Variants in MYOM1 observed in about 807,000 individuals in gnomAD.
MYOM1 encodes the protein myomesin 1.
A neutral mutation model predicts 205.3 loss-of-function variants in MYOM1; 164 were observed. The ratio of observed to expected loss-of-function variants is 0.80; its 90% CI spans 0.70 to 0.91. The LOEUF (loss-of-function observed/expected upper bound fraction) is 0.91. Ranked by LOEUF, MYOM1 falls within the 40% of genes least tolerant of loss-of-function variation. The pLI, the probability that MYOM1 is intolerant of heterozygous loss-of-function variation, is 0.00. For synonymous variants in MYOM1, 772 were observed against 789.4 expected, an observed-to-expected ratio of 0.98 and a Z score of 0.37; for missense variants, 2,011 against 2,127.3, an observed-to-expected ratio of 0.95 and a Z score of 1.08.
chr18:3,215,447 AG>A (rs1355150050), intron 1 of MYOM1, among the ~76,000 whole-genome samples, 196 bp from the exon 2 acceptor site: 2 of 152,032 alleles, frequency 1.3e-5, no homozygotes, highest in Non-Finnish European at 2.9e-5. Flanking sequence ...CTCTACAAAA[AG>A]AAAAAATTAG....
At chr18:3,070,771 T>C (rs1430760636) in intron 37 of MYOM1, among the ~76,000 whole-genome samples, 107 of 147,144 alleles carry the variant, frequency 7.3e-4, no homozygotes, top group African/African-American at 2.5e-3. Flanking sequence ...TGTGTGTGTG[T>C]GTGCACGTGT....
chr18:3,132,016 TTAG>T (rs1224284363), intron 16 of MYOM1, among the ~76,000 whole-genome samples: 1 of 142,518 alleles, frequency 7.0e-6, no homozygotes, highest in Non-Finnish European at 1.5e-5. Context: ...ATTAAAATTA[TTAG>T]TATTAATATT....
At chr18:3,073,414 T>C (rs1243567991) in intron 36 of MYOM1, among the ~76,000 whole-genome samples, 1 of 152,254 alleles carries the variant, frequency 6.6e-6, no homozygotes, top group Non-Finnish European at 1.5e-5. Flanking sequence ...AATGTGTGAC[T>C]CTTGACTTCC....
Position 3,154,994 on chromosome 18 carries a change from C to T in MYOM1, c.1596G>A (p.Gln532=), listed in dbSNP as rs766542756. Residue 532 remains glutamine, a synonymous_variant, in exon 11 of 38, where the codon CAG becomes CAA. Transcript: ENST00000356443. ...NKDYIIISWK[Q]PAVDGGSPIL... is the part of the protein sequence containing the mutation. ...TAGGACTCCCTCCATCGACAGCTGG[C>T]TGTTTCCAGGAGATGATGATATAAT... 2 of 1,613,146 alleles carry T rather than the reference C, an allele frequency of 1.2e-6. No individual in the cohort carries two copies. Among genetic ancestry groups the T allele is most frequent in the Non-Finnish European group, 1.7e-6 (2 of 1,179,512 alleles).
intron 22 of MYOM1, among the ~76,000 whole-genome samples, chr18:3,106,410 C>T (rs533644673): frequency 1.3e-5 from 2 of 152,348 alleles, no homozygotes; most frequent in African/African-American, 4.8e-5. Flanking sequence ...CAACTTCAAC[C>T]TATGAGTCGT....
chr18:3,192,893 C>G (rs1598758109), intron 3 of MYOM1, among the ~76,000 whole-genome samples: 1 of 151,986 alleles, frequency 6.6e-6, no homozygotes, highest in African/African-American at 2.4e-5. Flanking sequence ...GATTTTTTCC[C>G]CCAATGAATA....
intron 8 of MYOM1, among the ~76,000 whole-genome samples, chr18:3,172,445 T>A (rs2080573312): frequency 6.6e-6 from 1 of 151,884 alleles, no homozygotes; most frequent in African/African-American, 2.4e-5. Context: ...TTCAGAGGAT[T>A]GTGACGTGAT....
intron 23 of MYOM1, among the ~76,000 whole-genome samples, chr18:3,100,928 CCCCAGCA>C (rs2079366941): frequency 1.3e-5 from 2 of 152,164 alleles, no homozygotes; most frequent in Non-Finnish European, 2.9e-5. Context: ...ACTGTGTCAC[CCCCAGCA>C]CCCTGTACCT....
intron 16 of MYOM1, among the ~76,000 whole-genome samples, chr18:3,133,198 G>GA (rs2079902720): frequency 6.6e-6 from 1 of 152,060 alleles, no homozygotes; most frequent in Non-Finnish European, 1.5e-5. Flanking sequence ...CAGGCTAAAT[G>GA]AATCTCTTGC....
chr18:3,112,545 C>T, intron 21 of MYOM1, 133 bp from the exon 22 acceptor site: 1 of 568,014 alleles, frequency 1.8e-6, no homozygotes, highest in Non-Finnish European at 2.9e-6. Flanking sequence ...GACTTGTGGT[C>T]TAGATTTGAT....
At chr18:3,181,954 G>C (rs946271949) in intron 5 of MYOM1, among the ~76,000 whole-genome samples, 1 of 151,946 alleles carries the variant, frequency 6.6e-6, no homozygotes, top group Non-Finnish European at 1.5e-5. Flanking sequence ...GGCTGGTCTC[G>C]AACTCTGGAC....
intron 33 of MYOM1, 137 bp downstream of exon 33, chr18:3,083,652 G>T: frequency 1.8e-6 from 1 of 548,992 alleles, no homozygotes; most frequent in Non-Finnish European, 3.2e-6. Flanking sequence ...CACCATGTTG[G>T]CCAGGCTGGT....
At chr18:3,168,503 G>C (rs1394882507) in intron 9 of MYOM1, among the ~76,000 whole-genome samples, 2 of 152,054 alleles carry the variant, frequency 1.3e-5, no homozygotes, top group African/African-American at 4.8e-5. Flanking sequence ...TGGCCAGTCT[G>C]GTCTCAAACT....
intron 22 of MYOM1, among the ~76,000 whole-genome samples, chr18:3,104,884 T>C (rs931937480): frequency 5.3e-5 from 8 of 150,238 alleles, no homozygotes; most frequent in African/African-American, 2.0e-4. Context: ...GTAGCTGGGA[T>C]CACAGGTGCA....
At chr18:3,131,263 G>A in intron 17 of MYOM1, 112 bp downstream of exon 17, 1 of 1,196,666 alleles carries the variant, frequency 8.4e-7, no homozygotes. Context: ...ATCTAAGGAT[G>A]CAATCATCCA....
intron 13 of MYOM1, among the ~76,000 whole-genome samples, chr18:3,145,242 G>A (rs1174747915): frequency 1.3e-5 from 2 of 151,742 alleles, no homozygotes; most frequent in Non-Finnish European, 2.9e-5. Flanking sequence ...CCTGGGAGAC[G>A]GAGGTTGCAG....
intron 19 of MYOM1, 127 bp from the exon 20 acceptor site, chr18:3,120,122 A>T: frequency 1.6e-6 from 2 of 1,263,746 alleles, no homozygotes; most frequent in Admixed American, 2.8e-5. Flanking sequence ...AATGAGTCAC[A>T]CCCCTTTTGT....
At chr18:3,133,888 G>A (rs559412119) in intron 16 of MYOM1, among the ~76,000 whole-genome samples, 6 of 152,150 alleles carry the variant, frequency 3.9e-5, no homozygotes, top group South Asian at 4.2e-4. Context: ...TTTGAGACAG[G>A]GTCTTGCTCT....
At position 3,108,576 on chromosome 18, in the gene MYOM1, C is replaced by G. The variant is rs149262200; in HGVS notation, c.3418+3722G>C. Among the ~76,000 whole-genome samples the G allele has an allele frequency of 4.7e-3, 708 of 151,074 alleles. 5 individuals are homozygous for G. The highest frequency in any genetic ancestry group is 0.017 in the African/African-American group (681 of 41,166). ...TTTTTTTTTTCGAGATGGAGTCTTG[C>G]TCTGTCACCCAGGCTGGAGTGCAGT... On this transcript the variant is annotated intron_variant, in intron 22 of 37. Transcript: ENST00000356443.
Sources: allele counts gnomAD v4.1 joint callset (sites outside exome capture counted in the v4.1 genomes callset), GRCh38; gene constraint gnomAD v4.1.1; transcripts MANE v1.5; gene names NCBI Gene and HGNC (gene_info 2026-07-23, HGNC 2026-07-21).